RTL4: variants seen among roughly 807,000 people sequenced by gnomAD.
RTL4 encodes retrotransposon Gag like 4.
RTL4 carries 4 observed loss-of-function variants against 5.3 expected under a neutral mutation model. That is an observed-to-expected ratio of 0.75 (90% CI 0.37 to 1.72). The LOEUF (loss-of-function observed/expected upper bound fraction) is 1.72. Among genes scored for constraint, RTL4 ranks in the 40% most tolerant of loss-of-function variants. The probability of loss-of-function intolerance (pLI) is 0.04; values close to 1 mark genes in which losing one functional copy is unlikely to be tolerated. For missense variants in RTL4, 260 were observed against 227.1 expected (o/e 1.14, Z -0.93); for synonymous variants, 98 against 87.3 (o/e 1.12, Z -0.68).
the RTL4 span, among the ~76,000 whole-genome samples, chrX:112,307,700 TTCACTCA>T: frequency 2.7e-5 from 3 of 111,990 alleles, no homozygotes; most frequent in African/African-American, 9.7e-5. Flanking sequence ...ACATTTAACT[TTCACTCA>T]TGATCCTCAC....
the RTL4 span, among the ~76,000 whole-genome samples, chrX:112,148,452 G>A: frequency 2.7e-5 from 3 of 111,559 alleles, no homozygotes; most frequent in South Asian, 1.1e-3. Context: ...AGGGGATGGA[G>A]CAGGGCCACA....
chrX:112,228,356 A>G, the RTL4 span, among the ~76,000 whole-genome samples: 1 of 112,085 alleles, frequency 8.9e-6, no homozygotes, highest in African/African-American at 3.2e-5. Context: ...TTTTTATTTT[A>G]ATTGTAACAC....
the RTL4 span, among the ~76,000 whole-genome samples, chrX:112,180,003 A>G: frequency 4.5e-5 from 5 of 111,333 alleles, no homozygotes. Flanking sequence ...TCTGAAGAAC[A>G]TGGGCGTATT....
chrX:112,456,604 G>T, exon 1 of RTL4: 1 of 277,258 alleles, frequency 3.6e-6, no homozygotes, highest in Non-Finnish European at 6.7e-6. Context: ...TTGGACAAGG[G>T]ACCTGGCCAA....
chrX:112,391,060 G>C, the RTL4 span, among the ~76,000 whole-genome samples: 1 of 111,791 alleles, frequency 8.9e-6, no homozygotes, highest in African/African-American at 3.2e-5. Context: ...ATTTCAGAAA[G>C]CCAGTCTTCA....
At chrX:112,382,703 T>C in the RTL4 span, among the ~76,000 whole-genome samples, 3 of 111,973 alleles carry the variant, frequency 2.7e-5, no homozygotes, top group Admixed American at 2.8e-4. Flanking sequence ...ACAAAAGCAG[T>C]TTTTATAAGC....
At chrX:112,187,876 T>C in the RTL4 span, among the ~76,000 whole-genome samples, 2 of 111,803 alleles carry the variant, frequency 1.8e-5, no homozygotes, top group African/African-American at 6.5e-5. Flanking sequence ...TGAGCAGCCA[T>C]TGATGATTTC....
the RTL4 span, among the ~76,000 whole-genome samples, chrX:112,317,095 G>A: frequency 8.1e-5 from 9 of 111,348 alleles, no homozygotes; most frequent in African/African-American, 2.6e-4. Context: ...CAGTCTTTAC[G>A]GAAAGAAAAT....
the RTL4 span, among the ~76,000 whole-genome samples, chrX:112,314,779 T>C: frequency 9.0e-6 from 1 of 111,048 alleles, no homozygotes; most frequent in Non-Finnish European, 1.9e-5. Flanking sequence ...ACTTTTCTCA[T>C]ACTCTCCCAC....
the RTL4 span, among the ~76,000 whole-genome samples, chrX:112,283,115 G>GA: frequency 1.1e-4 from 12 of 111,462 alleles, no homozygotes; most frequent in Admixed American, 9.6e-5. Context: ...TTCTCTTTCA[G>GA]AAAATCTGTT....
chrX:112,099,954 TGAC>T, the RTL4 span, among the ~76,000 whole-genome samples: 13 of 111,235 alleles, frequency 1.2e-4, no homozygotes, highest in Non-Finnish European at 2.3e-4. Flanking sequence ...AAATGAAGGA[TGAC>T]ATCAAGCATG....
At chrX:112,431,446 C>G in the RTL4 span, among the ~76,000 whole-genome samples, 2 of 111,332 alleles carry the variant, frequency 1.8e-5, no homozygotes, top group African/African-American at 6.5e-5. Context: ...GACAGAGTCG[C>G]CCTGGAGTTT....
At chrX:112,446,840 C>G in the RTL4 span, among the ~76,000 whole-genome samples, 1 of 111,166 alleles carries the variant, frequency 9.0e-6, no homozygotes, top group African/African-American at 3.3e-5. Context: ...GAGTGAGACT[C>G]CATCTCCAAA....
At chrX:112,402,401 TGTGTGTGTGTG>T in the RTL4 span, among the ~76,000 whole-genome samples, 1 of 9,310 alleles carries the variant, frequency 1.1e-4, no homozygotes, top group African/African-American at 3.8e-4. Flanking sequence ...GAATTATTAT[TGTGTGTGTGTG>T]TGTGTGTGTG....
chrX:112,154,329 C>T, the RTL4 span, among the ~76,000 whole-genome samples: 1 of 111,769 alleles, frequency 8.9e-6, no homozygotes, highest in South Asian at 3.7e-4. Context: ...ATAAAGCCAA[C>T]ATTTGAGCTT....
chrX:112,182,058 C>A, the RTL4 span, among the ~76,000 whole-genome samples: 2 of 111,541 alleles, frequency 1.8e-5, no homozygotes, highest in African/African-American at 6.5e-5. Flanking sequence ...GGGTGGACCT[C>A]CAGCAAACTC....
the RTL4 span, among the ~76,000 whole-genome samples, chrX:112,328,677 A>C: frequency 1.7e-3 from 192 of 111,770 alleles, no homozygotes; most frequent in African/African-American, 5.4e-3. Context: ...ATCTAGAGAA[A>C]TCTCCACCCC....
the RTL4 span, among the ~76,000 whole-genome samples, chrX:112,184,580 G>T: frequency 8.9e-6 from 1 of 111,868 alleles, no homozygotes; most frequent in Non-Finnish European, 1.9e-5. Context: ...TCCTGGCCAA[G>T]GTAAAAAGTA....
At chrX:112,310,876 A>T in the RTL4 span, among the ~76,000 whole-genome samples, 1 of 91,718 alleles carries the variant, frequency 1.1e-5, no homozygotes, top group African/African-American at 4.0e-5. Flanking sequence ...CATATATATA[A>T]AATATATGTA....
Sources: allele counts gnomAD v4.1 joint callset (sites outside exome capture counted in the v4.1 genomes callset), GRCh38; gene constraint gnomAD v4.1.1; transcripts MANE v1.5; gene names NCBI Gene and HGNC (gene_info 2026-07-23, HGNC 2026-07-21).